The following MGMT variants were observed in gnomAD, a reference collection of about 807,000 sequenced individuals.
The protein encoded by MGMT is methylated-DNA--protein-cysteine methyltransferase.
A neutral mutation model predicts 15.9 loss-of-function variants in MGMT; 14 were observed. The observed-to-expected ratio is 0.88, with a 90% confidence interval of 0.58 to 1.37. The LOEUF (loss-of-function observed/expected upper bound fraction) is 1.37. MGMT is among the 40% of genes most tolerant of loss of function. MGMT has a pLI of 0.00. For synonymous variants in MGMT, 130 were observed against 118.2 expected, an observed-to-expected ratio of 1.10 and a Z score of -0.65; for missense variants, 282 against 268.1, an observed-to-expected ratio of 1.05 and a Z score of -0.36.
At chr10:129,625,867 G>T (rs1330949802) in intron 2 of MGMT, among the ~76,000 whole-genome samples, 1 of 152,158 alleles carries the variant, frequency 6.6e-6, no homozygotes, top group African/African-American at 2.4e-5. Flanking sequence ...GTTTTCCCCA[G>T]CTAAATCTTT....
At chr10:129,758,112 G>C (rs1848827675) in intron 3 of MGMT, among the ~76,000 whole-genome samples, 1 of 152,110 alleles carries the variant, frequency 6.6e-6, no homozygotes, top group Admixed American at 6.5e-5. Context: ...TTATAATAAA[G>C]ACTAAACAGA....
At chr10:129,743,038 A>G (rs1848654322) in intron 3 of MGMT, among the ~76,000 whole-genome samples, 1 of 152,232 alleles carries the variant, frequency 6.6e-6, no homozygotes, top group Non-Finnish European at 1.5e-5. Flanking sequence ...AGAGCCTCTG[A>G]AATCCTACCA....
intron 2 of MGMT, among the ~76,000 whole-genome samples, chr10:129,690,847 C>A (rs993219081): frequency 7.2e-5 from 11 of 152,140 alleles, no homozygotes; most frequent in African/African-American, 2.7e-4. Flanking sequence ...CTGTGCCCAG[C>A]ACTGGATGCA....
chr10:129,489,827 A>AT (rs1468383131), intron 1 of MGMT, among the ~76,000 whole-genome samples: 1 of 151,956 alleles, frequency 6.6e-6, no homozygotes. Context: ...TTACTTTCTA[A>AT]TTTTTTAAAA....
At chr10:129,568,457 C>T (rs773298181) in intron 2 of MGMT, among the ~76,000 whole-genome samples, 5 of 152,058 alleles carry the variant, frequency 3.3e-5, no homozygotes, top group South Asian at 4.1e-4. Context: ...TTTCCAAAGA[C>T]GACACCGAAG....
intron 3 of MGMT, among the ~76,000 whole-genome samples, chr10:129,709,053 A>G (rs1023451783): frequency 1.3e-5 from 2 of 152,204 alleles, no homozygotes; most frequent in African/African-American, 4.8e-5. Flanking sequence ...TTTTGTGCAT[A>G]ATGAACTGAA....
intron 2 of MGMT, among the ~76,000 whole-genome samples, chr10:129,558,156 C>T (rs193076722): frequency 2.6e-5 from 4 of 152,116 alleles, no homozygotes; most frequent in South Asian, 2.1e-4. Context: ...CCAGTACTTG[C>T]GCTTCGGAGT....
intron 2 of MGMT, among the ~76,000 whole-genome samples, chr10:129,561,631 C>T (rs1409045508): frequency 6.6e-6 from 1 of 152,116 alleles, no homozygotes; most frequent in African/African-American, 2.4e-5. Context: ...CACCCTCAAG[C>T]ATGTAATTAT....
At chr10:129,683,110 A>G (rs1847870804) in intron 2 of MGMT, among the ~76,000 whole-genome samples, 2 of 152,188 alleles carry the variant, frequency 1.3e-5, no homozygotes, top group South Asian at 4.1e-4. Context: ...CGGCCTCCCT[A>G]AGTGCCGGGA....
intron 2 of MGMT, among the ~76,000 whole-genome samples, chr10:129,547,260 G>A (rs759891797): frequency 9.2e-5 from 14 of 151,822 alleles, no homozygotes; most frequent in Admixed American, 3.9e-4. Context: ...TGCTGGGGGC[G>A]TTAACCCACC....
intron 3 of MGMT, among the ~76,000 whole-genome samples, chr10:129,710,865 C>T (rs1848225392): frequency 6.6e-6 from 1 of 152,188 alleles, no homozygotes; most frequent in Admixed American, 6.5e-5. Context: ...TGACCAATTC[C>T]TTTTTCTGCA....
intron 2 of MGMT, among the ~76,000 whole-genome samples, chr10:129,589,685 C>T (rs1447461595): frequency 6.6e-6 from 1 of 152,232 alleles, no homozygotes; most frequent in Non-Finnish European, 1.5e-5. Flanking sequence ...CTGCTTAACG[C>T]TCACATGGGT....
chr10:129,485,683 T>G (rs995380300), intron 1 of MGMT, among the ~76,000 whole-genome samples: 2 of 152,246 alleles, frequency 1.3e-5, no homozygotes, highest in Admixed American at 1.3e-4. Context: ...CTGAAGCACT[T>G]CTGGTTCCCA....
chr10:129,622,892 T>C (rs1022818058), intron 2 of MGMT, among the ~76,000 whole-genome samples: 1 of 152,190 alleles, frequency 6.6e-6, no homozygotes, highest in Non-Finnish European at 1.5e-5. Context: ...TGACTCTGAC[T>C]TGTGGAATGC....
At chr10:129,753,444 C>A (rs1848771621) in intron 3 of MGMT, among the ~76,000 whole-genome samples, 1 of 152,050 alleles carries the variant, frequency 6.6e-6, no homozygotes, top group Admixed American at 6.6e-5. Flanking sequence ...TTTTCTGTAA[C>A]TCCAGTGACA....
chr10:129,739,380 CATG>C (rs1355236329), intron 3 of MGMT, among the ~76,000 whole-genome samples: 1 of 152,200 alleles, frequency 6.6e-6, no homozygotes, highest in Non-Finnish European at 1.5e-5. Flanking sequence ...TTGCAGATGA[CATG>C]ATTCTATATT....
At position 129,707,952 on chromosome 10, in the gene MGMT, G is replaced by T; in HGVS notation, c.183G>T (p.Gln61His). 1 of 1,613,316 alleles carries T rather than the reference G, an allele frequency of 6.2e-7. No homozygotes were observed. Among genetic ancestry groups the T allele is most frequent in the Non-Finnish European group, 8.5e-7 (1 of 1,180,034 alleles). The change falls in exon 3 of 5, where the codon CAG becomes CAT. Residue 61 changes from glutamine (Q) to histidine (H), a missense_variant. Transcript: ENST00000651593. ...TCGGAGGTCCGGAGCCCCTGATGCA[G>T]TGCACAGCCTGGCTGAATGCCTATT... Reference protein sequence around the residue: ...AVLGGPEPLMQCTAWLNAYFH... With the variant: ...AVLGGPEPLMHCTAWLNAYFH...
At chr10:129,581,804 G>A (rs770006913) in intron 2 of MGMT, among the ~76,000 whole-genome samples, 16 of 152,204 alleles carry the variant, frequency 1.1e-4, no homozygotes, top group African/African-American at 9.6e-5. Flanking sequence ...TGGCCGTCCC[G>A]TCCTCCTGGA....
intron 2 of MGMT, among the ~76,000 whole-genome samples, chr10:129,588,980 A>G (rs1846650480): frequency 6.6e-6 from 1 of 152,348 alleles, no homozygotes; most frequent in East Asian, 1.9e-4. Flanking sequence ...AGCCTAATGC[A>G]GTTGCTTTAG....
Sources: gnomAD v4.1 joint callset for allele counts (sites outside exome capture counted in the v4.1 genomes callset) on GRCh38, gnomAD v4.1.1 for gene constraint, MANE v1.5 for transcripts, NCBI Gene and HGNC (gene_info 2026-07-23, HGNC 2026-07-21) for gene names.